The following DPYD variants were observed in gnomAD, a reference collection of about 807,000 sequenced individuals.
DPYD encodes dihydropyrimidine dehydrogenase [NADP(+)].
Under a neutral mutation model 116.2 loss-of-function variants are expected in DPYD, and 109 were observed. That is an observed-to-expected ratio of 0.94 (90% CI 0.80 to 1.10). DPYD has a LOEUF of 1.10. DPYD is among the 50% of genes least tolerant of loss of function. The pLI, the probability that DPYD is intolerant of heterozygous loss-of-function variation, is 0.00. For missense variants in DPYD, 1,302 were observed against 1,254.5 expected (o/e 1.04, Z -0.57); for synonymous variants, 440 against 432.0 (o/e 1.02, Z -0.23).
At chr1:97,681,736 C>T (rs950436926) in intron 7 of DPYD, among the ~76,000 whole-genome samples, 33 of 152,094 alleles carry the variant, frequency 2.2e-4, no homozygotes, top group Admixed American at 1.3e-3. Context: ...AAAATAATTT[C>T]GCTGTTTGTT....
chr1:97,595,814 T>C (rs1220532807), intron 8 of DPYD, among the ~76,000 whole-genome samples: 2 of 151,840 alleles, frequency 1.3e-5, no homozygotes, highest in Non-Finnish European at 2.9e-5. Flanking sequence ...AGAAAAAATA[T>C]AAATCACCTA....
intron 8 of DPYD, among the ~76,000 whole-genome samples, chr1:97,653,274 T>C (rs1396520259): frequency 1.3e-5 from 2 of 151,890 alleles, no homozygotes; most frequent in Non-Finnish European, 2.9e-5. Flanking sequence ...TGGCCTTTCA[T>C]AGTCAGAATT....
At chr1:97,819,254 A>G (rs1007161565) in intron 3 of DPYD, among the ~76,000 whole-genome samples, 1 of 152,016 alleles carries the variant, frequency 6.6e-6, no homozygotes, top group African/African-American at 2.4e-5. Context: ...TAGGGCTTTC[A>G]GGAGGTTCCT....
Position 97,904,591 on chromosome 1 carries a change from TAAC to T in DPYD, c.39+16290_39+16292del, listed in dbSNP as rs1262585602. Among the ~76,000 whole-genome samples, 6 of 152,138 alleles carry T rather than the reference TAAC, an allele frequency of 3.9e-5. No homozygotes were observed. The East Asian group carries it at 1.2e-3, about 30-fold the overall frequency. ...GCAACAGTACCAGAGGAATTTATATTAACAAGTTTTACTAACTTTTGTCTGCCA... is the reference window on the plus strand; with the variant it reads ...GCAACAGTACCAGAGGAATTTATATTAAGTTTTACTAACTTTTGTCTGCCA... On this transcript the variant is annotated intron_variant, in intron 1 of 22. Transcript: ENST00000370192.
At chr1:97,177,649 T>C (rs1352752156) in intron 20 of DPYD, among the ~76,000 whole-genome samples, 2 of 151,712 alleles carry the variant, frequency 1.3e-5, no homozygotes, top group African/African-American at 4.8e-5. Flanking sequence ...AGAAAGTATG[T>C]ATATTGTCCA....
At chr1:97,823,157 G>GT (rs774511654) in intron 3 of DPYD, among the ~76,000 whole-genome samples, 2 of 151,560 alleles carry the variant, frequency 1.3e-5, no homozygotes, top group Non-Finnish European at 2.9e-5. Context: ...TTTGTTTTTT[G>GT]TTTTTTGTTT....
intron 2 of DPYD, among the ~76,000 whole-genome samples, chr1:97,851,089 C>G (rs902454296): frequency 1.3e-5 from 2 of 151,812 alleles, no homozygotes; most frequent in African/African-American, 4.8e-5. Flanking sequence ...TTTCACAAAG[C>G]AATGATGCTC....
chr1:97,769,773 A>C (rs1666050344), intron 3 of DPYD, among the ~76,000 whole-genome samples: 1 of 152,218 alleles, frequency 6.6e-6, no homozygotes, highest in Non-Finnish European at 1.5e-5. Context: ...AAAGAAATAA[A>C]ATAGAAAATT....
Position 97,595,174 on chromosome 1 carries a change from A to C in DPYD, c.851-8T>G. 6.2e-7 allele frequency: 1 copy of C among 1,610,006 alleles called. No individual in the cohort carries two copies. The highest frequency in any genetic ancestry group is 8.5e-7 in the Non-Finnish European group (1 of 1,176,466). On this transcript the variant is annotated splice_region_variant and splice_polypyrimidine_tract_variant and intron_variant, in intron 8 of 22. Coordinates refer to ENST00000370192, the MANE Select transcript of DPYD (RefSeq NM_000110.4). ...TATTGGGTTCTGGCAAACCTAAGTA[A>C]TCAAATTTATAAAATATCATTAGCA...
chr1:97,480,503 C>T (rs1678237175), intron 13 of DPYD, among the ~76,000 whole-genome samples: 1 of 152,094 alleles, frequency 6.6e-6, no homozygotes. Flanking sequence ...TCATACTCTT[C>T]GGAAGCATGA....
At chr1:97,619,553 A>G (rs1384125068) in intron 8 of DPYD, among the ~76,000 whole-genome samples, 2 of 152,202 alleles carry the variant, frequency 1.3e-5, no homozygotes, top group Non-Finnish European at 2.9e-5. Flanking sequence ...TTAAATCCGC[A>G]TCCACCCTTT....
intron 2 of DPYD, among the ~76,000 whole-genome samples, chr1:97,848,154 G>A (rs1317745049): frequency 6.6e-6 from 1 of 152,162 alleles, no homozygotes. Context: ...CTGGAGTGCA[G>A]TGGCGTGATC....
Position 97,570,777 on chromosome 1 carries a change from AAATT to A in DPYD, c.1339+2979_1339+2982del, listed in dbSNP as rs761070465. The stretch of plus-strand genomic sequence containing the variant: ...TGTACACATTCCTCACTTTGTAATA[AAATT>A]AATTGATTACAGATCTGCCTCCACC... On this transcript the variant is annotated intron_variant, in intron 11 of 22. Transcript: ENST00000370192. 4.6e-5 allele frequency among the ~76,000 whole-genome samples: 7 copies of A among 151,978 alleles called. No homozygotes were observed. In the East Asian group the frequency reaches 7.7e-4, roughly 17 times the overall value.
intron 19 of DPYD, among the ~76,000 whole-genome samples, chr1:97,217,875 G>C (rs181500742): frequency 6.6e-6 from 1 of 152,172 alleles, no homozygotes; most frequent in African/African-American, 2.4e-5. Flanking sequence ...TCGGAGGACT[G>C]AGACTCTGAA....
chr1:97,764,898 T>C (rs1005358637), intron 3 of DPYD, among the ~76,000 whole-genome samples: 1 of 152,166 alleles, frequency 6.6e-6, no homozygotes, highest in Non-Finnish European at 1.5e-5. Flanking sequence ...ATTTGTTGAA[T>C]GAATTAAGGA....
intron 8 of DPYD, among the ~76,000 whole-genome samples, chr1:97,660,908 T>C (rs1270610315): frequency 1.3e-5 from 2 of 152,166 alleles, no homozygotes; most frequent in African/African-American, 2.4e-5. Context: ...ATCTCAAACA[T>C]CTGTTTTCTA....
intron 2 of DPYD, among the ~76,000 whole-genome samples, chr1:97,844,470 T>C (rs1485037343): frequency 2.0e-5 from 3 of 152,096 alleles, no homozygotes; most frequent in African/African-American, 4.8e-5. Context: ...AAATGACCAA[T>C]AATTTGATCA....
chr1:97,716,499 T>C (rs769099459), intron 5 of DPYD, among the ~76,000 whole-genome samples: 1 of 152,078 alleles, frequency 6.6e-6, no homozygotes, highest in East Asian at 1.9e-4. Flanking sequence ...CATATGATCT[T>C]ACTGTATAAA....
At chr1:97,636,356 A>G (rs968742533) in intron 8 of DPYD, among the ~76,000 whole-genome samples, 21 of 151,792 alleles carry the variant, frequency 1.4e-4, no homozygotes, top group Admixed American at 3.9e-4. Context: ...CTAGGTCTCT[A>G]TTTCTTACTC....
Sources: allele counts gnomAD v4.1 joint callset (sites outside exome capture counted in the v4.1 genomes callset), GRCh38; gene constraint gnomAD v4.1.1; transcripts MANE v1.5; gene names NCBI Gene and HGNC (gene_info 2026-07-23, HGNC 2026-07-21).